The following CEP135 variants were observed in gnomAD, a reference collection of about 807,000 sequenced individuals.
CEP135 encodes the protein centrosomal protein of 135 kDa.
A neutral mutation model predicts 157.3 loss-of-function variants in CEP135; 142 were observed. That is an observed-to-expected ratio of 0.90 (90% CI 0.79 to 1.04). The LOEUF (loss-of-function observed/expected upper bound fraction) is 1.04. CEP135 is among the 50% of genes least tolerant of loss of function. CEP135 has a pLI of 0.00. For synonymous variants in CEP135, 396 were observed against 439.8 expected (o/e 0.90, Z 1.25); for missense variants, 1,317 against 1,309.2 (o/e 1.01, Z -0.09).
At chr4:55,964,230 T>A (rs755504133) in intron 6 of CEP135, 44 bp from the exon 7 acceptor site, 1 of 1,569,884 alleles carries the variant, frequency 6.4e-7, no homozygotes, top group Non-Finnish European at 8.6e-7. Flanking sequence ...ATCATTTGGT[T>A]GAAAACCAGA....
intron 14 of CEP135, among the ~76,000 whole-genome samples, chr4:55,991,463 A>G (rs1459718198): frequency 1.3e-5 from 2 of 151,914 alleles, no homozygotes; most frequent in Non-Finnish European, 2.9e-5. Flanking sequence ...TTGTGCTCCC[A>G]TCAAGAAACA....
At chr4:56,009,992 A>T (rs1730515354) in intron 19 of CEP135, 89 bp downstream of exon 19, 6 of 1,266,940 alleles carry the variant, frequency 4.7e-6, no homozygotes. Context: ...CTAAAATCTG[A>T]TGATATAAAA....
chr4:55,959,011 G>A (rs1728594191), intron 5 of CEP135, among the ~76,000 whole-genome samples: 1 of 152,178 alleles, frequency 6.6e-6, no homozygotes, highest in Admixed American at 6.5e-5. Context: ...ATGGAGCTGT[G>A]GAGGTTGAGG....
chr4:56,011,738 C>T (rs1730589822), intron 20 of CEP135, 62 bp from the exon 21 acceptor site: 6 of 1,338,740 alleles, frequency 4.5e-6, no homozygotes, highest in Middle Eastern at 1.9e-4. Context: ...GTGTTTATGA[C>T]ATAGGTGTTC....
chr4:56,010,353 C>A (rs1338241962), intron 19 of CEP135, among the ~76,000 whole-genome samples: 1 of 121,350 alleles, frequency 8.2e-6, no homozygotes, highest in Non-Finnish European at 1.7e-5. Context: ...CAGAGTGAGA[C>A]TCCATCCAAA....
chr4:56,012,941 C>A (rs1040668792), intron 21 of CEP135, among the ~76,000 whole-genome samples: 2 of 152,136 alleles, frequency 1.3e-5, no homozygotes, highest in Non-Finnish European at 2.9e-5. Context: ...TATGATAATT[C>A]TGTGTTTAAT....
In CEP135 at chr4:56,009,765, T is replaced by G. The variant is rs1452998336; in HGVS notation, c.2367T>G (p.Asp789Glu). Residue 789 changes from aspartate (D) to glutamate (E), a missense_variant, in exon 19 of 26, where the codon GAT becomes GAG. Physicochemically the swap from Asp to Glu is conservative, Grantham distance 45. Coordinates refer to ENST00000257287, the MANE Select transcript of CEP135 (RefSeq NM_025009.5). Reference protein sequence around the residue: ...NQLKETLVNRDREINSLRRQL... With the variant: ...NQLKETLVNREREINSLRRQL... Reference sequence around the variant, plus strand: ...TGAAAGAAACATTGGTTAATCGAGATCGTGAGATAAACAGCCTCCGGCGCC... The same window carrying G: ...TGAAAGAAACATTGGTTAATCGAGAGCGTGAGATAAACAGCCTCCGGCGCC... 6.2e-7 allele frequency: 1 copy of G among 1,611,876 alleles called. No homozygotes were observed. Among genetic ancestry groups the G allele is most frequent in the African/African-American group, 1.3e-5 (1 of 74,814 alleles).
chr4:56,004,122 G>A (rs1230258710), intron 17 of CEP135, among the ~76,000 whole-genome samples: 4 of 152,014 alleles, frequency 2.6e-5, no homozygotes, highest in African/African-American at 9.7e-5. Flanking sequence ...CTTTTCATTT[G>A]TTTCAAGAAT....
intron 4 of CEP135, among the ~76,000 whole-genome samples, chr4:55,955,763 G>A (rs1163652663): frequency 6.6e-6 from 1 of 152,174 alleles, no homozygotes; most frequent in African/African-American, 2.4e-5. Flanking sequence ...TCTTAAGTTA[G>A]AGAATGTGGG....
At chr4:56,009,077 ATT>A (rs1322144143) in intron 18 of CEP135, among the ~76,000 whole-genome samples, 1 of 152,086 alleles carries the variant, frequency 6.6e-6, no homozygotes, top group African/African-American at 2.4e-5. Flanking sequence ...TTAAAAAAAA[ATT>A]TTTGTAGAAA....
In CEP135 at chr4:55,974,949, A is replaced by G. The variant is rs901497814; in HGVS notation, c.1453A>G (p.Ile485Val). Residue 485 changes from isoleucine (I) to valine (V), a missense_variant, in exon 11 of 26, where the codon ATA becomes GTA. Coordinates refer to ENST00000257287, the MANE Select transcript of CEP135 (RefSeq NM_025009.5). Reference sequence around the variant, plus strand: ...TTATAGCGCACGTGAAAAAAGTTCAATATTTAGAACACCAGAAAAGGTAAT... The same window carrying G: ...TTATAGCGCACGTGAAAAAAGTTCAGTATTTAGAACACCAGAAAAGGTAAT... ...TSYSAREKSS[I>V]FRTPEKGDYN... The G allele has an allele frequency of 1.2e-6, 2 of 1,603,874 alleles. No homozygotes were observed. Among genetic ancestry groups the G allele is most frequent in the Non-Finnish European group, 1.7e-6 (2 of 1,174,116 alleles).
rs1460418808 is a variant in CEP135, at chr4:56,020,788, A to G, written c.3320+8A>G. On this transcript the variant is annotated splice_region_variant and intron_variant, in intron 24 of 25. Coordinates refer to ENST00000257287, the MANE Select transcript of CEP135 (RefSeq NM_025009.5). ...AACTGAAAGATACGAACGGTAAGAC[A>G]AATTTTTTTTACATTTGACAATGTT... 6.9e-6 allele frequency: 11 copies of G among 1,603,904 alleles called. No homozygotes were observed. Among genetic ancestry groups the G allele is most frequent in the Non-Finnish European group, 9.4e-6 (11 of 1,173,028 alleles).
chr4:55,950,396 A>G (rs898942183), intron 1 of CEP135, among the ~76,000 whole-genome samples: 1 of 152,140 alleles, frequency 6.6e-6, no homozygotes, highest in Non-Finnish European at 1.5e-5. Context: ...GTGAAGAACA[A>G]CAGATGTAAA....
chr4:55,983,443 G>A lies in CEP135; in HGVS notation c.1780-1838G>A, dbSNP rs566068241. Among the ~76,000 whole-genome samples the A allele has an allele frequency of 1.2e-4, 18 of 152,200 alleles. No individual in the cohort carries two copies. In the South Asian group the frequency reaches 3.1e-3, roughly 26 times the overall value. On this transcript the variant is annotated intron_variant, in intron 13 of 25. Transcript: ENST00000257287. ...TTCCCATTATTCCACTATCTAACCA[G>A]TTGTCAAATCCAAGCATCATCCATC...
intron 17 of CEP135, among the ~76,000 whole-genome samples, chr4:56,003,002 T>G (rs528635938): frequency 6.6e-6 from 1 of 152,208 alleles, no homozygotes; most frequent in Non-Finnish European, 1.5e-5. Flanking sequence ...GTTTTCCAAT[T>G]TGTTGACATG....
intron 6 of CEP135, among the ~76,000 whole-genome samples, chr4:55,961,944 T>TC (rs1463367990): frequency 1.3e-5 from 2 of 152,000 alleles, no homozygotes. Context: ...TGACCCCATT[T>TC]CCTCTTTTTT....
rs1207818851 is a variant in CEP135, at chr4:55,952,200, A to G, written c.70A>G (p.Thr24Ala). The G allele has an allele frequency of 2.5e-6, 4 of 1,613,310 alleles. No individual in the cohort carries two copies. The highest frequency in any genetic ancestry group is 2.2e-5 in the East Asian group (1 of 44,896). ...KRLDQLGYRQ[T>A]LTVECLPLVE... is the part of the protein sequence containing the mutation. ...GCTGGATCAGCTGGGATACCGCCAGACTCTGACAGTGGAGTGTTTACCTTT... is the reference window on the plus strand; with the variant it reads ...GCTGGATCAGCTGGGATACCGCCAGGCTCTGACAGTGGAGTGTTTACCTTT... The change falls in exon 2 of 26, where the codon ACT becomes GCT. Residue 24 changes from threonine to alanine, a missense_variant. Coordinates refer to ENST00000257287, the MANE Select transcript of CEP135 (RefSeq NM_025009.5).
At chr4:55,956,602 A>T (rs1728512473) in intron 4 of CEP135, among the ~76,000 whole-genome samples, 1 of 150,912 alleles carries the variant, frequency 6.6e-6, no homozygotes, top group South Asian at 2.1e-4. Context: ...AGTGAACACC[A>T]CAGGCACATT....
intron 15 of CEP135, among the ~76,000 whole-genome samples, chr4:55,996,107 G>C (rs1384090950): frequency 6.6e-6 from 1 of 152,058 alleles, no homozygotes; most frequent in Non-Finnish European, 1.5e-5. Flanking sequence ...ATTTTTTAAG[G>C]TAATTGATAA....
Sources: gnomAD v4.1 joint callset for allele counts (sites outside exome capture counted in the v4.1 genomes callset) on GRCh38, gnomAD v4.1.1 for gene constraint, MANE v1.5 for transcripts, NCBI Gene and HGNC (gene_info 2026-07-23, HGNC 2026-07-21) for gene names.